The following ANKRD30BL variants were observed in gnomAD, a reference collection of about 807,000 sequenced individuals.
ANKRD30BL encodes the protein ankyrin repeat domain 30B like.
A neutral mutation model predicts 18.4 loss-of-function variants in ANKRD30BL; 20 were observed. The ratio of observed to expected loss-of-function variants is 1.09; its 90% CI spans 0.77 to 1.58. The LOEUF is 1.58. Among genes scored for constraint, ANKRD30BL ranks in the 40% most tolerant of loss-of-function variants. ANKRD30BL has a pLI of 0.00. For synonymous variants in ANKRD30BL, 72 were observed against 100.9 expected (o/e 0.71, Z 1.72); for missense variants, 224 against 268.6 (o/e 0.83, Z 1.16).
At chr2:132,231,745 G>A (rs925251062) in intron 1 of ANKRD30BL, among the ~76,000 whole-genome samples, 1 of 152,188 alleles carries the variant, frequency 6.6e-6, no homozygotes, top group African/African-American at 2.4e-5. Flanking sequence ...ACTGCAAGGT[G>A]GCAGCGAGGC....
chr2:132,251,813 A>G (rs1680656227), intron 1 of ANKRD30BL, among the ~76,000 whole-genome samples: 1 of 152,178 alleles, frequency 6.6e-6, no homozygotes, highest in Non-Finnish European at 1.5e-5. Flanking sequence ...GTTTTCCATC[A>G]CCTAAAAGTA....
At chr2:132,157,246 C>A in intron 2 of ANKRD30BL, 63 bp downstream of exon 2, 4 of 971,484 alleles carry the variant, frequency 4.1e-6, no homozygotes. Flanking sequence ...GAGATAGATT[C>A]ATTTTTATTC....
At chr2:132,217,141 C>G (rs10205788) in intron 1 of ANKRD30BL, among the ~76,000 whole-genome samples, 1 of 146,408 alleles carries the variant, frequency 6.8e-6, no homozygotes, top group Non-Finnish European at 1.5e-5. Flanking sequence ...TTTGTGATGT[C>G]AGCATTCCAC....
chr2:132,190,249 T>C (rs900844124), intron 1 of ANKRD30BL, among the ~76,000 whole-genome samples: 17 of 152,110 alleles, frequency 1.1e-4, no homozygotes, highest in African/African-American at 4.1e-4. Context: ...AAGGCAATCA[T>C]GTGTCATGTC....
intron 1 of ANKRD30BL, among the ~76,000 whole-genome samples, chr2:132,218,830 T>C (rs1679586610): frequency 6.6e-6 from 1 of 152,176 alleles, no homozygotes. Flanking sequence ...AGCAGCATTC[T>C]CAAAAACTTC....
Position 132,198,256 on chromosome 2 carries a change from CTTCTTTCTTTCTTTTCTTTCTTTCTTTCT to C in ANKRD30BL, n.442-41139_442-41111del, listed in dbSNP as rs1679005159. Reference sequence around the variant, plus strand: ...TTTTCTCTTTCATAATTTACTATACCTTCTTTCTTTCTTTTCTTTCTTTCTTTCTTTCTTTCTTTCTTTCTTTCTTTCTT... The same window carrying C: ...TTTTCTCTTTCATAATTTACTATACCTTCTTTCTTTCTTTCTTTCTTTCTT... On this transcript the variant is annotated intron_variant and non_coding_transcript_variant, in intron 1 of 4. Coordinates refer to the ANKRD30BL transcript ENST00000470729. Among the ~76,000 whole-genome samples, 51 of 137,040 alleles carry C rather than the reference CTTCTTTCTTTCTTTTCTTTCTTTCTTTCT, an allele frequency of 3.7e-4. 2 individuals are homozygous for C. The highest frequency in any genetic ancestry group is 1.5e-3 in the African/African-American group (48 of 32,184). 89.9% of individuals were successfully genotyped at this position (137,040 alleles called of 152,430 possible). A position where few individuals can be genotyped will look rare whatever the true frequency, so the allele number is the denominator to read the frequency against.
chr2:132,230,812 T>C (rs915808446), intron 1 of ANKRD30BL, among the ~76,000 whole-genome samples: 9 of 152,246 alleles, frequency 5.9e-5, no homozygotes, highest in Admixed American at 3.9e-4. Context: ...GAAAAGGAAA[T>C]ATCTTCACAC....
intron 1 of ANKRD30BL, among the ~76,000 whole-genome samples, chr2:132,235,375 T>C (rs1377987041): frequency 1.3e-5 from 2 of 152,006 alleles, no homozygotes; most frequent in Non-Finnish European, 2.9e-5. Flanking sequence ...GAGTATTCAA[T>C]TATGAAAAGA....
chr2:132,169,977 T>G (rs1688250824), intron 1 of ANKRD30BL, among the ~76,000 whole-genome samples: 2 of 152,196 alleles, frequency 1.3e-5, no homozygotes, highest in Non-Finnish European at 2.9e-5. Context: ...ATTTTTTGCC[T>G]CATTGGTAGA....
At position 132,182,178 on chromosome 2, in the gene ANKRD30BL, G is replaced by C. The variant is rs1385082400; in HGVS notation, n.442-25032C>G. Among the ~76,000 whole-genome samples, 3 of 151,452 alleles carry C rather than the reference G, an allele frequency of 2.0e-5. No homozygotes were observed. In the East Asian group the frequency reaches 5.8e-4, roughly 29 times the overall value. Reference sequence around the variant, plus strand: ...ATTAGGAAGACCAATTTAATAATAAGGTAAGTTACAAAGAAAATTTGTAGG... The same window carrying C: ...ATTAGGAAGACCAATTTAATAATAACGTAAGTTACAAAGAAAATTTGTAGG... On this transcript the variant is annotated intron_variant and non_coding_transcript_variant, in intron 1 of 4. Transcript: ENST00000470729.
chr2:132,239,809 C>T lies in ANKRD30BL; in HGVS notation n.441+17720G>A, dbSNP rs541110211. Among the ~76,000 whole-genome samples the T allele has an allele frequency of 8.4e-3, 1,262 of 149,696 alleles. 13 individuals carry two copies. Among genetic ancestry groups the T allele is most frequent in the African/African-American group, 0.029 (1,175 of 40,722 alleles). ...AGGCCTAGGGTGAAAAAGGAAATAT[C>T]TTCACATAAAAACTATACAGAAGCA... On this transcript the variant is annotated intron_variant and non_coding_transcript_variant, in intron 1 of 4. Coordinates refer to the ANKRD30BL transcript ENST00000470729.
chr2:132,240,835 C>G (rs1170638353), intron 1 of ANKRD30BL, among the ~76,000 whole-genome samples: 1 of 151,808 alleles, frequency 6.6e-6, no homozygotes, highest in Non-Finnish European at 1.5e-5. Context: ...GAAACACCTT[C>G]TCATAAAAAT....
rs572059204 is a variant in ANKRD30BL, at chr2:132,150,701, G to T, written c.679+211C>A. 2.4e-4 allele frequency among the ~76,000 whole-genome samples: 36 copies of T among 151,806 alleles called. 1 individual carries two copies. The South Asian group carries it at 7.5e-3, about 32-fold the overall frequency. ...ACATTTTTTCAGATAATATTTTTGAGATTATAAACTACCTACAACTAAATT... is the reference window on the plus strand; with the variant it reads ...ACATTTTTTCAGATAATATTTTTGATATTATAAACTACCTACAACTAAATT... On this transcript the variant is annotated intron_variant, in intron 5 of 5. Transcript: ENST00000409867.
intron 1 of ANKRD30BL, among the ~76,000 whole-genome samples, chr2:132,183,948 G>A (rs1451399205): frequency 2.6e-5 from 4 of 152,086 alleles, no homozygotes; most frequent in African/African-American, 9.7e-5. Flanking sequence ...AACATGATCT[G>A]CTCTGGAGCA....
At chr2:132,194,782 A>C (rs1279403256) in intron 1 of ANKRD30BL, among the ~76,000 whole-genome samples, 1 of 152,230 alleles carries the variant, frequency 6.6e-6, no homozygotes. Flanking sequence ...ATGAAAAATG[A>C]CTAAAAATGT....
chr2:132,247,898 A>C (rs1342191765), intron 1 of ANKRD30BL, among the ~76,000 whole-genome samples: 1 of 152,128 alleles, frequency 6.6e-6, no homozygotes, highest in East Asian at 1.9e-4. Flanking sequence ...GAAGTTTCTC[A>C]GAATGTTCTG....
chr2:132,210,709 T>C (rs960606476), intron 1 of ANKRD30BL, among the ~76,000 whole-genome samples: 1 of 151,824 alleles, frequency 6.6e-6, no homozygotes, highest in African/African-American at 2.4e-5. Flanking sequence ...AACTGAAATA[T>C]CTTCACCTAA....
At chr2:132,173,192 T>G (rs1301396910) in intron 1 of ANKRD30BL, among the ~76,000 whole-genome samples, 1 of 152,156 alleles carries the variant, frequency 6.6e-6, no homozygotes, top group African/African-American at 2.4e-5. Context: ...CTTTGATCTA[T>G]TATAGTTTAT....
At chr2:132,254,828 G>C (rs77225707) in intron 1 of ANKRD30BL, among the ~76,000 whole-genome samples, 2 of 151,832 alleles carry the variant, frequency 1.3e-5, no homozygotes, top group African/African-American at 2.4e-5. Context: ...AGTCTCGTTC[G>C]TTATTGGAAT....
Sources: gnomAD v4.1 joint callset for allele counts (sites outside exome capture counted in the v4.1 genomes callset) on GRCh38, gnomAD v4.1.1 for gene constraint, MANE v1.5 for transcripts, NCBI Gene and HGNC (gene_info 2026-07-23, HGNC 2026-07-21) for gene names.